SUPT6H: variants seen among roughly 807,000 people sequenced by gnomAD.
The protein encoded by SUPT6H is transcription elongation factor SPT6.
A neutral mutation model predicts 222.3 loss-of-function variants in SUPT6H; 11 were observed. That is an observed-to-expected ratio of 0.05 (90% CI 0.03 to 0.08). The LOEUF is 0.08. SUPT6H is among the 10% of genes least tolerant of loss of function. The probability of loss-of-function intolerance (pLI) is 1.00; values close to 1 mark genes in which losing one functional copy is unlikely to be tolerated. For missense variants in SUPT6H, 1,422 were observed against 2,216.0 expected, an observed-to-expected ratio of 0.64 and a Z score of 7.19; for synonymous variants, 762 against 801.2, an observed-to-expected ratio of 0.95 and a Z score of 0.83.
rs111744204 is a variant in SUPT6H, at chr17:28,697,808, A to G, written c.4323+75A>G. 2.5e-3 allele frequency: 4,039 copies of G among 1,606,886 alleles called. 9 individuals carry two copies. The highest frequency in any genetic ancestry group is 3.1e-3 in the Non-Finnish European group (3,613 of 1,174,588). On this transcript the variant is annotated intron_variant, in intron 31 of 36. Coordinates refer to ENST00000314616, the MANE Select transcript of SUPT6H (RefSeq NM_003170.5). ...GTACGCTTTCCCTTCAGTATAGGGG[A>G]CACTCAGGCGGTGAAGGAAGTGTAC...
At chr17:28,667,268 G>A (rs2030084497) in intron 1 of SUPT6H, among the ~76,000 whole-genome samples, 2 of 147,972 alleles carry the variant, frequency 1.4e-5, no homozygotes, top group South Asian at 4.2e-4. Flanking sequence ...CTGCTTGGGA[G>A]GTTGAGGCAG....
chr17:28,675,089 G>A lies in SUPT6H; in HGVS notation c.465G>A (p.Gly155=). Residue 155 remains glycine, a synonymous_variant, in exon 5 of 37, where the codon GGG becomes GGA. Coordinates refer to ENST00000314616, the MANE Select transcript of SUPT6H (RefSeq NM_003170.5). The part of the protein sequence containing the change: ...IAEEIFQDGE[G]EEGQEAMEAP... Reference sequence around the variant, plus strand: ...AAGAAATCTTCCAGGATGGGGAAGGGGAAGAAGGGCAGGAGGCCATGGAGG... The same window carrying A: ...AAGAAATCTTCCAGGATGGGGAAGGAGAAGAAGGGCAGGAGGCCATGGAGG... The A allele has an allele frequency of 6.2e-7, 1 of 1,614,092 alleles. No individual in the cohort carries two copies.
intron 34 of SUPT6H, 27 bp downstream of exon 34, chr17:28,700,277 G>T (rs752978342): frequency 6.2e-7 from 1 of 1,614,200 alleles, no homozygotes; most frequent in Admixed American, 1.7e-5. Context: ...TGGGACTGGA[G>T]GTGGGAAGGA....
At chr17:28,664,293 A>G (rs1174958318) in intron 1 of SUPT6H, among the ~76,000 whole-genome samples, 2 of 152,132 alleles carry the variant, frequency 1.3e-5, no homozygotes, top group Admixed American at 6.5e-5. Flanking sequence ...AGATCACTTG[A>G]GGTCAGGAGT....
In SUPT6H at chr17:28,675,056, T is replaced by C. The variant is rs1567688239; in HGVS notation, c.432T>C (p.Ala144=). The change falls in exon 5 of 37, where the codon GCT becomes GCC. Residue 144 remains alanine (A), a synonymous_variant. Transcript: ENST00000314616. ...GCAAGGAGGAACATGAAAAAGAAGC[T>C]ATTGCGGAAGAAATCTTCCAGGATG... is the stretch of plus-strand genomic sequence containing the variant. ...EYGKEEHEKE[A]IAEEIFQDGE... 3 of 1,613,744 alleles carry C rather than the reference T, an allele frequency of 1.9e-6. No homozygotes were observed. The highest frequency in any genetic ancestry group is 4.5e-5 in the East Asian group (2 of 44,838).
chr17:28,674,960 C>T lies in SUPT6H; in HGVS notation c.346-10C>T. On this transcript the variant is annotated splice_polypyrimidine_tract_variant and intron_variant, in intron 4 of 36. Coordinates refer to ENST00000314616, the MANE Select transcript of SUPT6H (RefSeq NM_003170.5). ...TCAGATCCTGATAAGGCAGGTTTTC[C>T]CACCCCTAGCAAAAGTACCGGCGTG... The T allele has an allele frequency of 6.2e-7, 1 of 1,612,620 alleles. No homozygotes were observed. Among genetic ancestry groups the T allele is most frequent in the Non-Finnish European group, 8.5e-7 (1 of 1,179,236 alleles).
Position 28,693,851 on chromosome 17 carries a change from G to T in SUPT6H, c.3774+15G>T, listed in dbSNP as rs747162734. 7.4e-6 allele frequency: 12 copies of T among 1,614,120 alleles called. No individual in the cohort carries two copies. The South Asian group carries it at 1.3e-4, about 18-fold the overall frequency. On this transcript the variant is annotated intron_variant, in intron 28 of 36. Transcript: ENST00000314616. ...AACGAGTGAAGGTAGAGGACTGATT[G>T]TCCTAAGGTCGTAGTGCAATTTTCA...
intron 19 of SUPT6H, 68 bp from the exon 20 acceptor site, chr17:28,686,271 G>A (rs1275130873): frequency 6.4e-6 from 9 of 1,395,818 alleles, no homozygotes; most frequent in Middle Eastern, 1.8e-4. Context: ...CTCCAACATA[G>A]GGAGACAGAA....
chr17:28,690,183 G>C lies in SUPT6H; in HGVS notation c.3444G>C (p.Glu1148Asp). 6.2e-7 allele frequency: 1 copy of C among 1,614,006 alleles called. No individual in the cohort carries two copies. The highest frequency in any genetic ancestry group is 1.3e-5 in the African/African-American group (1 of 75,016). ...RTAYRSPNTEEIFNMLTKETP... is the reference protein window; with the variant it reads ...RTAYRSPNTEDIFNMLTKETP... ...CCTACCGCTCTCCCAACACAGAGGA[G>C]ATCTTCAATATGTTAACCAAAGAAA... Residue 1148 changes from glutamate (E) to aspartate (D), a missense_variant, in exon 26 of 37, where the codon GAG becomes GAC. Around this residue, in one of 13 missense-constraint regions of SUPT6H, gnomAD observed 60 missense variants for 96.7 expected, o/e 0.62. Coordinates refer to ENST00000314616, the MANE Select transcript of SUPT6H (RefSeq NM_003170.5).
At chr17:28,667,763 T>C (rs2030169833) in intron 1 of SUPT6H, among the ~76,000 whole-genome samples, 1 of 151,978 alleles carries the variant, frequency 6.6e-6, no homozygotes, top group Non-Finnish European at 1.5e-5. Context: ...TAACTTAACA[T>C]AACCCTATTG....
chr17:28,681,816 A>C lies in SUPT6H; in HGVS notation c.1499-66A>C, dbSNP rs943365069. The C allele has an allele frequency of 9.1e-6, 13 of 1,425,890 alleles. No homozygotes were observed. The African/African-American group carries it at 1.7e-4, about 18-fold the overall frequency. The allele number at this position is 1,425,890 out of a possible 1,614,324, so 88.3% of individuals were successfully genotyped here. A position where few individuals can be genotyped will look rare whatever the true frequency, so the allele number is the denominator to read the frequency against. On this transcript the variant is annotated intron_variant, in intron 12 of 36. Transcript: ENST00000314616. ...GGGTACCCTTTGAGGCTTCTCTCCT[A>C]ATGTGTCAGATCCTTGGGAGTGATT...
chr17:28,666,527 G>A (rs1459026278), intron 1 of SUPT6H, among the ~76,000 whole-genome samples: 1 of 151,012 alleles, frequency 6.6e-6, no homozygotes, highest in Non-Finnish European at 1.5e-5. Flanking sequence ...TTTCTCTAAA[G>A]AAATGTGGAA....
chr17:28,684,142 G>A (rs532499737), intron 17 of SUPT6H, among the ~76,000 whole-genome samples: 45 of 152,198 alleles, frequency 3.0e-4, no homozygotes, highest in Non-Finnish European at 5.7e-4. Context: ...GATTACAGGC[G>A]TGAGCCACCA....
rs1010730928 is a variant in SUPT6H at position 28,686,922 on chromosome 17, T to C, written c.2700+133T>C. ...TACTTATCCATGCAGAAGTTCTCCG[T>C]TTTGCAGTTACGGTTCAGATTGGGA... On this transcript the variant is annotated intron_variant, in intron 21 of 36. Transcript: ENST00000314616. 9 of 1,479,494 alleles carry C rather than the reference T, an allele frequency of 6.1e-6. No individual in the cohort carries two copies. In the Admixed American group the frequency reaches 1.6e-4, roughly 26 times the overall value. The allele number at this position is 1,479,494 out of a possible 1,614,324, so 91.6% of individuals were successfully genotyped here. A position where few individuals can be genotyped will look rare whatever the true frequency, so the allele number is the denominator to read the frequency against.
Position 28,697,091 on chromosome 17 carries a change from CA to C in SUPT6H, c.4209+10del. On this transcript the variant is annotated intron_variant, in intron 30 of 36. Transcript: ENST00000314616. The stretch of plus-strand genomic sequence containing the variant: ...TGTGGATCAACAGTGAGGTGAGAGC[CA>C]GTGCCTGCCCACCTCCCATCCCACT... The C allele has an allele frequency of 6.2e-7, 1 of 1,611,374 alleles. No individual in the cohort carries two copies. The highest frequency in any genetic ancestry group is 2.2e-5 in the East Asian group (1 of 44,834).
intron 12 of SUPT6H, 82 bp from the exon 13 acceptor site, chr17:28,681,800 T>TA: frequency 7.9e-7 from 1 of 1,273,160 alleles, no homozygotes; most frequent in East Asian, 2.5e-5. Context: ...TGGGTACCCT[T>TA]TGAGGCTTCT....
chr17:28,680,881 T>A (rs1188552518), intron 11 of SUPT6H, among the ~76,000 whole-genome samples: 2 of 152,132 alleles, frequency 1.3e-5, no homozygotes, highest in Non-Finnish European at 2.9e-5. Context: ...TCTCCTGACG[T>A]CGCGATCCCT....
At position 28,683,623 on chromosome 17, in the gene SUPT6H, A is replaced by T. The variant is rs143818059; in HGVS notation, c.2036A>T (p.Tyr679Phe). 6.2e-7 allele frequency: 1 copy of T among 1,613,704 alleles called. No homozygotes were observed. Among genetic ancestry groups the T allele is most frequent in the African/African-American group, 1.3e-5 (1 of 75,000 alleles). ...ISIDLKGVEG[Y>F]GNDQTYFEEI... ...CATAGCTTTGTGTCTCTTCTCAGCT[A>T]TGGCAACGACCAGACATATTTTGAG... Residue 679 changes from tyrosine (Y) to phenylalanine (F), a missense_variant and splice_region_variant, in exon 17 of 37, where the codon TAT (tyrosine) becomes TTT (phenylalanine). Tyr to Phe is a conservative substitution (Grantham distance 22). Transcript: ENST00000314616.
intron 1 of SUPT6H, among the ~76,000 whole-genome samples, chr17:28,663,236 T>G (rs996216626): frequency 6.6e-6 from 1 of 152,236 alleles, no homozygotes; most frequent in Non-Finnish European, 1.5e-5. Flanking sequence ...TTTGTAAGTC[T>G]TCAGTGTTTT....
Sources: gnomAD v4.1 joint callset for allele counts (sites outside exome capture counted in the v4.1 genomes callset) on GRCh38, gnomAD v4.1.1 for gene constraint, gnomAD v4.1.1 regional missense constraint, MANE v1.5 for transcripts, NCBI Gene and HGNC (gene_info 2026-07-23, HGNC 2026-07-21) for gene names.